The following ME3 variants were observed in gnomAD, a reference collection of about 807,000 sequenced individuals.
The protein encoded by ME3 is malic enzyme 3, also known as NADP-dependent malic enzyme, mitochondrial.
A neutral mutation model predicts 68.9 loss-of-function variants in ME3; 48 were observed. The observed-to-expected ratio is 0.70, with a 90% CI of 0.55 to 0.89. ME3 has a LOEUF of 0.89. Ranked by LOEUF, ME3 falls within the 40% of genes least tolerant of loss-of-function variation. ME3 has a pLI of 0.00. For synonymous variants in ME3, 320 were observed against 318.8 expected (o/e 1.00, Z -0.04); for missense variants, 675 against 797.4 (o/e 0.85, Z 1.85).
At chr11:86,528,492 T>C (rs944777612) in intron 4 of ME3, among the ~76,000 whole-genome samples, 15 of 152,160 alleles carry the variant, frequency 9.9e-5, no homozygotes, top group Non-Finnish European at 1.8e-4. Context: ...AACTCAGCTC[T>C]GCACCAAGTG....
At chr11:86,576,891 C>G (rs1958147503) in intron 2 of ME3, among the ~76,000 whole-genome samples, 1 of 152,192 alleles carries the variant, frequency 6.6e-6, no homozygotes, top group African/African-American at 2.4e-5. Flanking sequence ...ATTCCCTTAG[C>G]TGGCTCTGAT....
chr11:86,615,892 A>G (rs1942924139), intron 2 of ME3, among the ~76,000 whole-genome samples: 2 of 152,230 alleles, frequency 1.3e-5, no homozygotes, highest in Non-Finnish European at 1.5e-5. Context: ...CTTCTTTGAA[A>G]AGATTAAAAA....
At chr11:86,463,930 G>A (rs1717764855) in intron 8 of ME3, among the ~76,000 whole-genome samples, 1 of 152,176 alleles carries the variant, frequency 6.6e-6, no homozygotes, top group African/African-American at 2.4e-5. Flanking sequence ...CTGTCTCAGT[G>A]TTTTCATTCA....
chr11:86,555,490 G>C (rs948947894), intron 4 of ME3, among the ~76,000 whole-genome samples: 25 of 152,168 alleles, frequency 1.6e-4, no homozygotes, highest in Admixed American at 1.6e-3. Context: ...CTGGCATAGT[G>C]AGCCTCTATA....
At chr11:86,504,279 A>G (rs1257445489) in intron 5 of ME3, among the ~76,000 whole-genome samples, 2 of 151,930 alleles carry the variant, frequency 1.3e-5, no homozygotes, top group Non-Finnish European at 2.9e-5. Flanking sequence ...GAAATGACTT[A>G]GAACCACAGC....
chr11:86,626,635 T>A (rs559223617), intron 2 of ME3, among the ~76,000 whole-genome samples: 1 of 152,340 alleles, frequency 6.6e-6, no homozygotes, highest in South Asian at 2.1e-4. Flanking sequence ...TGTCAAACAT[T>A]TTCTGTAAAG....
chr11:86,531,964 C>G (rs1242603356), intron 4 of ME3, among the ~76,000 whole-genome samples: 1 of 141,032 alleles, frequency 7.1e-6, no homozygotes, highest in Non-Finnish European at 1.5e-5. Context: ...TACCCTAAAA[C>G]TTAAAGTATA....
chr11:86,579,607 C>T (rs1326822174), intron 2 of ME3, among the ~76,000 whole-genome samples: 1 of 152,180 alleles, frequency 6.6e-6, no homozygotes, highest in Non-Finnish European at 1.5e-5. Flanking sequence ...GATTCATGAA[C>T]CTGGTGTTTC....
chr11:86,547,831 C>T (rs972383958), intron 4 of ME3, among the ~76,000 whole-genome samples: 1 of 152,154 alleles, frequency 6.6e-6, no homozygotes, highest in African/African-American at 2.4e-5. Flanking sequence ...ATTCTCCCCA[C>T]ACCTATCCTT....
In ME3 at chr11:86,585,812, TTAAGGCTGGA is replaced by T. The variant is rs200997630; in HGVS notation, c.184-25999_184-25990del. Among the ~76,000 whole-genome samples, 929 of 152,198 alleles carry T rather than the reference TTAAGGCTGGA, an allele frequency of 6.1e-3. 10 individuals are homozygous for T. Among genetic ancestry groups the T allele is most frequent in the African/African-American group, 0.019 (809 of 41,520 alleles). ...TTGAGCTTTGAGAAGCTCCAGCTTT[TTAAGGCTGGA>T]TAAAGGAGGAGACTGAGATGGGACA... is the stretch of plus-strand genomic sequence containing the variant. On this transcript the variant is annotated intron_variant, in intron 2 of 14. Coordinates refer to ENST00000543262, the Ensembl canonical transcript of ME3.
intron 7 of ME3, among the ~76,000 whole-genome samples, chr11:86,477,908 T>C (rs1264780240): frequency 6.6e-6 from 1 of 152,158 alleles, no homozygotes; most frequent in South Asian, 2.1e-4. Context: ...AATCTGGCTG[T>C]TGTTCTTCTG....
intron 5 of ME3, among the ~76,000 whole-genome samples, chr11:86,505,287 C>T (rs1952997375): frequency 6.6e-6 from 1 of 151,924 alleles, no homozygotes; most frequent in African/African-American, 2.4e-5. Context: ...CAGAAAAAGG[C>T]CAGTGGGTAG....
At chr11:86,614,883 C>A (rs1415231936) in intron 2 of ME3, among the ~76,000 whole-genome samples, 1 of 152,202 alleles carries the variant, frequency 6.6e-6, no homozygotes, top group East Asian at 1.9e-4. Flanking sequence ...ACTCCCAGCT[C>A]CATACCACTT....
chr11:86,456,333 T>C (rs1371186703), intron 8 of ME3, among the ~76,000 whole-genome samples: 2 of 152,190 alleles, frequency 1.3e-5, no homozygotes, highest in Non-Finnish European at 1.5e-5. Flanking sequence ...CACTACACTC[T>C]GGATGGGTCT....
chr11:86,657,788 C>T (rs2135472070), intron 2 of ME3, among the ~76,000 whole-genome samples: 1 of 152,232 alleles, frequency 6.6e-6, no homozygotes, highest in South Asian at 2.1e-4. Flanking sequence ...CTGTCTTTCT[C>T]ACTAGATTGT....
At chr11:86,657,118 GTA>G (rs1945943271) in intron 2 of ME3, among the ~76,000 whole-genome samples, 1 of 152,134 alleles carries the variant, frequency 6.6e-6, no homozygotes, top group Non-Finnish European at 1.5e-5. Flanking sequence ...CCATTACTGG[GTA>G]TATACTCAAA....
chr11:86,670,999 C>A (rs566300225), intron 2 of ME3, among the ~76,000 whole-genome samples: 1 of 152,260 alleles, frequency 6.6e-6, no homozygotes, highest in East Asian at 1.9e-4. Context: ...GCTTCTATTT[C>A]TCTCACCCAA....
At position 86,501,921 on chromosome 11, in the gene ME3, C is replaced by T. The variant is rs1037465073; in HGVS notation, c.544-3797G>A. 7.2e-5 allele frequency among the ~76,000 whole-genome samples: 11 copies of T among 152,164 alleles called. No individual in the cohort carries two copies. The South Asian group carries it at 8.3e-4, about 11-fold the overall frequency. On this transcript the variant is annotated intron_variant, in intron 5 of 14. Coordinates refer to ENST00000543262, the Ensembl canonical transcript of ME3. ...CTAACTGGTCTCTCTACTGGATTTT[C>T]CCCATTCCATTTCATTTTTTCTGAA...
intron 2 of ME3, among the ~76,000 whole-genome samples, chr11:86,608,136 G>A (rs1942288027): frequency 6.6e-6 from 1 of 152,136 alleles, no homozygotes; most frequent in African/African-American, 2.4e-5. Flanking sequence ...AAATCCAGAA[G>A]GTAATTCTTA....
Sources: allele counts gnomAD v4.1 joint callset (sites outside exome capture counted in the v4.1 genomes callset), GRCh38; gene constraint gnomAD v4.1.1; transcripts MANE v1.5; gene names NCBI Gene and HGNC (gene_info 2026-07-23, HGNC 2026-07-21).